The following CCNI variants were observed in gnomAD, a reference collection of about 807,000 sequenced individuals.
The protein encoded by CCNI is cyclin I.
Under a neutral mutation model 34.1 loss-of-function variants are expected in CCNI, and 14 were observed. The observed-to-expected ratio is 0.41, with a 90% CI of 0.27 to 0.64. The LOEUF (loss-of-function observed/expected upper bound fraction) is 0.64. CCNI is among the 30% of genes least tolerant of loss of function. The pLI is 0.31. For synonymous variants in CCNI, 154 were observed against 158.4 expected (o/e 0.97, Z 0.21); for missense variants, 385 against 440.5 (o/e 0.87, Z 1.13).
intron 2 of CCNI, chr4:77,064,685 T>C (rs1387043980): frequency 6.6e-6 from 1 of 151,624 alleles, no homozygotes; most frequent in Non-Finnish European, 1.5e-5. Context: ...TTTTCTTTTT[T>C]TTTTTTTTGA....
intron 1 of CCNI, chr4:77,074,851 A>G (rs2109860862): frequency 6.6e-6 from 1 of 152,296 alleles, no homozygotes. Context: ...AAGGATCTGT[A>G]ACGGAGCCCC....
At chr4:77,051,944 C>T (rs75204291) in intron 6 of CCNI, among the ~76,000 whole-genome samples, 3 of 147,850 alleles carry the variant, frequency 2.0e-5, no homozygotes, top group East Asian at 2.0e-4. Flanking sequence ...GGGGAGGGGT[C>T]TGTTTTTTTG....
At chr4:77,074,913 T>A (rs1042654747) in intron 1 of CCNI, 1 of 152,116 alleles carries the variant, frequency 6.6e-6, no homozygotes, top group African/African-American at 2.4e-5. Context: ...AGTTATTTAA[T>A]CTAGCCTTTA....
chr4:77,052,289 T>A (rs868342868), intron 6 of CCNI, among the ~76,000 whole-genome samples: 7 of 152,132 alleles, frequency 4.6e-5, no homozygotes, highest in Admixed American at 3.3e-4. Flanking sequence ...GCAAAGGACA[T>A]GATTTTGTTC....
In CCNI at chr4:77,074,118, CA is replaced by C. The variant is rs536603667; in HGVS notation, c.-44+1353del. On this transcript the variant is annotated intron_variant, in intron 1 of 6. Transcript: ENST00000237654. ...TTTTTAATGTATTACACAATCAAAACAAAACACGGACACACTCAGCTTCCAA... is the reference window on the plus strand; with the variant it reads ...TTTTTAATGTATTACACAATCAAAACAAACACGGACACACTCAGCTTCCAA... 7.4e-4 allele frequency among the ~76,000 whole-genome samples: 113 copies of C among 152,212 alleles called. 1 individual carries two copies. Among genetic ancestry groups the C allele is most frequent in the African/African-American group, 2.7e-3 (113 of 41,528 alleles).
intron 1 of CCNI, among the ~76,000 whole-genome samples, chr4:77,068,611 A>C (rs1324860127): frequency 1.3e-5 from 2 of 152,194 alleles, no homozygotes; most frequent in African/African-American, 4.8e-5. Context: ...TTTCATTATA[A>C]ATTTCACTAA....
At chr4:77,070,101 T>C (rs991475098) in intron 1 of CCNI, among the ~76,000 whole-genome samples, 4 of 145,960 alleles carry the variant, frequency 2.7e-5, no homozygotes, top group South Asian at 2.3e-4. Flanking sequence ...CACTGCAACC[T>C]CCACCTCCTG....
intron 1 of CCNI, among the ~76,000 whole-genome samples, chr4:77,070,945 G>A (rs1018588161): frequency 1.3e-5 from 2 of 152,196 alleles, no homozygotes; most frequent in Admixed American, 1.3e-4. Flanking sequence ...TAGGTTCTAA[G>A]GTTTCTTCCA....
At chr4:77,061,447 C>T (rs1200507131) in intron 2 of CCNI, among the ~76,000 whole-genome samples, 2 of 151,980 alleles carry the variant, frequency 1.3e-5, no homozygotes, top group Non-Finnish European at 2.9e-5. Context: ...AACAAATAAT[C>T]CTAAAGAGAA....
intron 2 of CCNI, among the ~76,000 whole-genome samples, chr4:77,064,109 G>C (rs968410708): frequency 1.3e-5 from 2 of 151,998 alleles, no homozygotes; most frequent in African/African-American, 4.8e-5. Flanking sequence ...AGGTATGGTG[G>C]CGGGTGCCTG....
rs186588426 is a variant in CCNI at position 77,059,284 on chromosome 4, G to A, written c.115-649C>T. On this transcript the variant is annotated intron_variant, in intron 2 of 6. Coordinates refer to ENST00000237654, the MANE Select transcript of CCNI (RefSeq NM_006835.3). Reference sequence around the variant, plus strand: ...GAGTATAAGCTTAATTTTTAGCAGGGACACACTTTAAAGTAATAGTGATTA... The same window carrying A: ...GAGTATAAGCTTAATTTTTAGCAGGAACACACTTTAAAGTAATAGTGATTA... 1.6e-4 allele frequency among the ~76,000 whole-genome samples: 25 copies of A among 151,672 alleles called. No homozygotes were observed. In the East Asian group the frequency reaches 3.7e-3, roughly 22 times the overall value.
intron 2 of CCNI, among the ~76,000 whole-genome samples, chr4:77,059,607 A>G (rs978187305): frequency 1.3e-5 from 2 of 152,042 alleles, no homozygotes; most frequent in Middle Eastern, 3.4e-3. Context: ...TCACTTATTA[A>G]TATTGATTTC....
intron 6 of CCNI, among the ~76,000 whole-genome samples, chr4:77,052,207 G>A (rs1338555595): frequency 4.0e-5 from 6 of 150,332 alleles, no homozygotes; most frequent in African/African-American, 7.3e-5. Context: ...TTGTGAGAAC[G>A]TGTGGTATTT....
chr4:77,064,585 G>GCGCGCGCACA (rs375436623), intron 2 of CCNI: 16 of 143,034 alleles, frequency 1.1e-4, no homozygotes, highest in African/African-American at 3.7e-4. Context: ...GCGCGCGCGC[G>GCGCGCGCACA]CACACACACA....
Position 77,048,067 on chromosome 4 carries a change from C to T in CCNI, c.*152G>A, listed in dbSNP as rs1241114317. On this transcript the variant is annotated 3_prime_UTR_variant, in exon 7 of 7. Transcript: ENST00000237654. ...AATAACGCTGAATTATAATTAGCCA[C>T]ACAAATAATGAGAGTTTTATTTTTT... The T allele has an allele frequency of 3.8e-6, 2 of 520,328 alleles. No homozygotes were observed. Among genetic ancestry groups the T allele is most frequent in the South Asian group, 3.5e-5 (1 of 28,902 alleles). 32.2% of individuals were successfully genotyped at this position (520,328 alleles called of 1,614,324 possible). A position where few individuals can be genotyped will look rare whatever the true frequency, so the allele number is the denominator to read the frequency against.
chr4:77,071,106 G>A (rs924269417), intron 1 of CCNI, among the ~76,000 whole-genome samples: 5 of 152,130 alleles, frequency 3.3e-5, no homozygotes, highest in African/African-American at 1.2e-4. Flanking sequence ...ATTTTTAGGG[G>A]GTTTAGATGG....
At chr4:77,052,981 A>G (rs1365130676) in intron 6 of CCNI, among the ~76,000 whole-genome samples, 1 of 152,200 alleles carries the variant, frequency 6.6e-6, no homozygotes, top group Non-Finnish European at 1.5e-5. Flanking sequence ...CATGGGGCAT[A>G]TCTCTTAAAA....
chr4:77,063,237 C>G (rs1419789269), intron 2 of CCNI, among the ~76,000 whole-genome samples: 1 of 149,176 alleles, frequency 6.7e-6, no homozygotes, highest in Non-Finnish European at 1.5e-5. Context: ...TAGAAGGAAA[C>G]TGGAGGAAAA....
At chr4:77,055,676 A>G (rs992080055) in intron 5 of CCNI, among the ~76,000 whole-genome samples, 5 of 152,110 alleles carry the variant, frequency 3.3e-5, no homozygotes, top group African/African-American at 1.2e-4. Context: ...CATGTTGGCC[A>G]GGCTGGTCTC....
Sources: allele counts gnomAD v4.1 joint callset (sites outside exome capture counted in the v4.1 genomes callset), GRCh38; gene constraint gnomAD v4.1.1; transcripts MANE v1.5; gene names NCBI Gene and HGNC (gene_info 2026-07-23, HGNC 2026-07-21).